PIR: variants seen among roughly 807,000 people sequenced by gnomAD.
The protein encoded by PIR is pirin.
Under a neutral mutation model 24.2 loss-of-function variants are expected in PIR, and 22 were observed. The observed-to-expected ratio is 0.91, with a 90% CI of 0.65 to 1.30. The LOEUF is 1.30. Ranked by LOEUF, PIR falls within the 50% of genes most tolerant of loss-of-function variation. The pLI is 0.00. For synonymous variants in PIR, 80 were observed against 79.6 expected (o/e 1.00, Z -0.03); for missense variants, 220 against 220.3 (o/e 1.00, Z 0.01).
intron 5 of PIR, among the ~76,000 whole-genome samples, chrX:15,434,129 AAAG>A (rs780049508): frequency 1.1e-3 from 97 of 88,375 alleles, no homozygotes; most frequent in Non-Finnish European, 1.9e-3. Flanking sequence ...GAGGGAGGAG[AAAG>A]AAGGAGGAGG....
At chrX:15,445,500 G>A (rs1054753022) in intron 5 of PIR, among the ~76,000 whole-genome samples, 2 of 111,625 alleles carry the variant, frequency 1.8e-5, no homozygotes, top group Non-Finnish European at 3.8e-5. Context: ...AAACCTGCAC[G>A]TTGTGCACAT....
chrX:15,419,413 G>GGA (rs1318238750), intron 6 of PIR, among the ~76,000 whole-genome samples: 3 of 103,911 alleles, frequency 2.9e-5, no homozygotes, highest in Non-Finnish European at 5.9e-5. Context: ...GATAGGGGAG[G>GGA]GAGAGAGAGA....
chrX:15,434,588 T>C (rs1044624632), intron 5 of PIR, among the ~76,000 whole-genome samples: 1 of 109,983 alleles, frequency 9.1e-6, no homozygotes, highest in African/African-American at 3.3e-5. Flanking sequence ...ATCAAGGAGG[T>C]AGGACAGTGG....
chrX:15,428,302 C>T (rs1925390221), intron 5 of PIR, among the ~76,000 whole-genome samples: 1 of 111,707 alleles, frequency 9.0e-6, no homozygotes, highest in Non-Finnish European at 1.9e-5. Flanking sequence ...GTATAAGACA[C>T]CATCTGGAAA....
chrX:15,419,907 A>AC (rs1925067156), intron 6 of PIR, among the ~76,000 whole-genome samples: 1 of 103,599 alleles, frequency 9.7e-6, no homozygotes, highest in East Asian at 3.1e-4. Flanking sequence ...AAAAAAAAAA[A>AC]AGTGTTTGAG....
intron 6 of PIR, 194 bp from the exon 7 acceptor site, chrX:15,407,744 A>G: frequency 2.4e-6 from 1 of 418,503 alleles, no homozygotes; most frequent in Non-Finnish European, 4.2e-6. Flanking sequence ...TCACACACAA[A>G]CACAGACATA....
intron 6 of PIR, among the ~76,000 whole-genome samples, chrX:15,417,218 A>G (rs757548439): frequency 2.5e-5 from 2 of 78,995 alleles, no homozygotes; most frequent in Non-Finnish European, 4.8e-5. Context: ...CCAAAGTATT[A>G]AGATTACAGG....
intron 9 of PIR, among the ~76,000 whole-genome samples, chrX:15,387,483 G>C (rs973687151): frequency 1.2e-4 from 13 of 111,118 alleles, no homozygotes; most frequent in African/African-American, 4.3e-4. Flanking sequence ...TGAAACTATG[G>C]ATCTGGAGCT....
At chrX:15,405,069 G>A (rs138641701) in intron 7 of PIR, among the ~76,000 whole-genome samples, 59 of 111,271 alleles carry the variant, frequency 5.3e-4, no homozygotes, top group Middle Eastern at 4.6e-3. Context: ...TTCTTACCCC[G>A]AGAACTGCAG....
intron 3 of PIR, among the ~76,000 whole-genome samples, chrX:15,477,045 TA>T (rs1380716304): frequency 8.9e-6 from 1 of 112,127 alleles, no homozygotes; most frequent in East Asian, 2.8e-4. Flanking sequence ...TATATCAAAA[TA>T]AAAACAATAG....
At chrX:15,407,381 G>A (rs1924581148) in intron 7 of PIR, 125 bp downstream of exon 7, 1 of 546,227 alleles carries the variant, frequency 1.8e-6, no homozygotes, top group East Asian at 3.3e-5. Context: ...ATATAGAGAG[G>A]GCTAGTGTAG....
intron 8 of PIR, 68 bp from the exon 9 acceptor site, chrX:15,390,319 T>C: frequency 3.2e-6 from 2 of 633,388 alleles, no homozygotes; most frequent in South Asian, 3.2e-5. Flanking sequence ...TGTGAACAAT[T>C]TGAAATTGAC....
intron 7 of PIR, among the ~76,000 whole-genome samples, chrX:15,400,729 A>ATATTTATTTATTTATC (rs1555953072): frequency 1.3e-4 from 3 of 22,463 alleles, no homozygotes; most frequent in Admixed American, 1.0e-3. Flanking sequence ...TCTAAGGTAA[A>ATATTTATTTATTTATC]TATTTATTTA....
At chrX:15,416,906 G>A (rs2147023549) in intron 6 of PIR, among the ~76,000 whole-genome samples, 1 of 111,827 alleles carries the variant, frequency 8.9e-6, no homozygotes, top group Non-Finnish European at 1.9e-5. Context: ...CAAGCCTTGA[G>A]ATGACCACAG....
intron 3 of PIR, among the ~76,000 whole-genome samples, chrX:15,478,223 T>C (rs1198531142): frequency 9.0e-6 from 1 of 110,874 alleles, no homozygotes; most frequent in Admixed American, 9.7e-5. Context: ...GTTGAGGCAA[T>C]CCCCAATTCT....
intron 3 of PIR, among the ~76,000 whole-genome samples, chrX:15,477,527 T>C (rs1235741106): frequency 1.8e-5 from 2 of 111,565 alleles, no homozygotes; most frequent in East Asian, 5.6e-4. Flanking sequence ...AGGCCAAGAG[T>C]GTTACAACTC....
intron 5 of PIR, among the ~76,000 whole-genome samples, chrX:15,430,904 G>A (rs1925484901): frequency 8.9e-6 from 1 of 111,830 alleles, no homozygotes; most frequent in Non-Finnish European, 1.9e-5. Context: ...GATAACTGCT[G>A]CCCATTGATT....
intron 8 of PIR, among the ~76,000 whole-genome samples, chrX:15,394,628 T>C (rs750033931): frequency 9.0e-6 from 1 of 111,613 alleles, no homozygotes; most frequent in African/African-American, 3.3e-5. Flanking sequence ...CTCCTGATCG[T>C]GGAGCCATCA....
chrX:15,459,737 A>G lies in PIR; in HGVS notation c.193T>C (p.Ser65Pro). ...ATGCTGCCCCCTTCCAGGAGGTAGG[A>G]TACCTTTGAAAAACAAACAGGAAAA... is the stretch of plus-strand genomic sequence containing the variant. ...DHPHRGFETV[S>P]YLLEGGSMAH... Residue 65 changes from serine to proline, a missense_variant, in exon 4 of 10, where the codon TCC (serine) becomes CCC (proline). Ser to Pro is a moderately conservative substitution (Grantham distance 74). Coordinates refer to ENST00000380420, the MANE Select transcript of PIR (RefSeq NM_001018109.3). 8.8e-7 allele frequency: 1 copy of G among 1,141,876 alleles called. No individual in the cohort carries two copies. Among genetic ancestry groups the G allele is most frequent in the African/African-American group, 1.8e-5 (1 of 56,463 alleles). 94.1% of individuals were successfully genotyped at this position (1,141,876 alleles called of 1,213,427 possible). A position where few individuals can be genotyped will look rare whatever the true frequency, so the allele number is the denominator to read the frequency against.
Sources: gnomAD v4.1 joint callset for allele counts (sites outside exome capture counted in the v4.1 genomes callset) on GRCh38, gnomAD v4.1.1 for gene constraint, MANE v1.5 for transcripts, NCBI Gene and HGNC (gene_info 2026-07-23, HGNC 2026-07-21) for gene names.